The following POLE variants were observed in gnomAD, a reference collection of about 807,000 sequenced individuals.
The protein encoded by POLE is DNA polymerase epsilon catalytic subunit A.
In POLE, 188 loss-of-function variants were observed where a neutral mutation model predicts 279.2. The observed-to-expected ratio is 0.67, with a 90% CI of 0.60 to 0.76. The LOEUF (loss-of-function observed/expected upper bound fraction) is 0.76, where lower values mean the gene tolerates loss of function less well. Among genes scored for constraint, POLE ranks in the 30% least tolerant of loss-of-function variants. The pLI, the probability that POLE is intolerant of heterozygous loss-of-function variation, is 0.00. For synonymous variants in POLE, 1,214 were observed against 1,172.5 expected (o/e 1.04, Z -0.72); for missense variants, 2,703 against 3,016.7 (o/e 0.90, Z 2.44).
intron 12 of POLE, 133 bp from the exon 13 acceptor site, chr12:132,673,840 G>T: frequency 2.1e-6 from 2 of 947,610 alleles, no homozygotes; most frequent in Non-Finnish European, 3.3e-6. Flanking sequence ...TCACACCAAG[G>T]CCCCACATGG....
intron 41 of POLE, among the ~76,000 whole-genome samples, chr12:132,637,562 T>C (rs2042058043): frequency 6.6e-6 from 1 of 151,756 alleles, no homozygotes; most frequent in Admixed American, 6.5e-5. Flanking sequence ...AGGCAGGAAG[T>C]CAAAACCACA....
intron 20 of POLE, 63 bp downstream of exon 20, chr12:132,667,440 A>G: frequency 3.2e-6 from 5 of 1,563,744 alleles, no homozygotes; most frequent in Non-Finnish European, 4.4e-6. Flanking sequence ...AAGAGTGCCC[A>G]CTTCATGAGC....
chr12:132,655,712 T>C (rs959004198), intron 29 of POLE, among the ~76,000 whole-genome samples: 19 of 152,360 alleles, frequency 1.2e-4, no homozygotes, highest in Admixed American at 5.2e-4. Context: ...GTAACAATAG[T>C]CCTTATGTTT....
chr12:132,642,359 A>G lies in POLE; in HGVS notation c.4991T>C (p.Ile1664Thr), dbSNP rs1593730003. Residue 1664 changes from isoleucine to threonine, a missense_variant, in exon 38 of 49, where the codon ATC (isoleucine) becomes ACC (threonine). Ile to Thr is a moderately conservative substitution (Grantham distance 89). Coordinates refer to ENST00000320574, the MANE Select transcript of POLE (RefSeq NM_006231.4). ...GAAGAGGTCGGAGCCGAATGTGGAG[A>G]TGTCCTCTGGTAGGTTCCCAATGGG... ...HIPIGNLPED[I>T]STFGSDLFFA... The G allele has an allele frequency of 6.3e-7, 1 of 1,586,382 alleles. No individual in the cohort carries two copies. Among genetic ancestry groups the G allele is most frequent in the African/African-American group, 1.3e-5 (1 of 74,492 alleles).
chr12:132,633,981 G>T, intron 43 of POLE: 1 of 505,912 alleles, frequency 2.0e-6, no homozygotes, highest in Non-Finnish European at 3.5e-6. Context: ...AGGGAAGACA[G>T]TCACCCCTCT....
rs2135973737 is a variant in POLE at position 132,668,278 on chromosome 12, A to G, written c.2173+78T>C. ...ACCTCTGGGGCCCCAGCTGGGATGG[A>G]CCAACGCAGCCCAGTAAGAACAGAA... On this transcript the variant is annotated intron_variant, in intron 19 of 48. Coordinates refer to ENST00000320574, the MANE Select transcript of POLE (RefSeq NM_006231.4). This position sits in a 1 kb window ranked among gnomAD's most constrained non-coding sequence, Gnocchi z 4.0. 6.8e-7 allele frequency: 1 copy of G among 1,477,742 alleles called. No individual in the cohort carries two copies. The highest frequency in any genetic ancestry group is 9.0e-7 in the Non-Finnish European group (1 of 1,113,096). The allele number at this position is 1,477,742 out of a possible 1,614,324, so 91.5% of individuals were successfully genotyped here.
intron 45 of POLE, 137 bp downstream of exon 45, chr12:132,632,178 T>A: frequency 1.5e-6 from 1 of 680,072 alleles, no homozygotes; most frequent in Non-Finnish European, 2.6e-6. Context: ...CACAGGTATG[T>A]CGGTGTCCTT....
In POLE at chr12:132,673,217, C is replaced by A; in HGVS notation, c.1420G>T (p.Val474Phe). Residue 474 changes from valine to phenylalanine, a missense_variant, in exon 14 of 49, where the codon GTC becomes TTC. By Grantham distance (50) the Val-to-Phe change is conservative. Transcript: ENST00000320574. ...VATYYLYMKY[V>F]HPFIFALCTI... ...CACAGAGCAAAGATGAATGGGTGGA[C>A]GTACTTCATGTACAGGTAGTAAGTG... 6.2e-7 allele frequency: 1 copy of A among 1,613,840 alleles called. No individual in the cohort carries two copies. Among genetic ancestry groups the A allele is most frequent in the Non-Finnish European group, 8.5e-7 (1 of 1,179,718 alleles).
intron 12 of POLE, among the ~76,000 whole-genome samples, chr12:132,674,480 T>C (rs1400652035): frequency 5.9e-5 from 9 of 152,174 alleles, no homozygotes; most frequent in African/African-American, 1.7e-4. Flanking sequence ...CAGGCTAGCA[T>C]ATCGGTAGCA....
At chr12:132,631,137 A>G (rs1467812831) in intron 45 of POLE, among the ~76,000 whole-genome samples, 1 of 152,238 alleles carries the variant, frequency 6.6e-6, no homozygotes, top group Non-Finnish European at 1.5e-5. Context: ...GGGAGTTCTG[A>G]TACACACGAG....
chr12:132,645,800 CCA>C (rs10553413), intron 32 of POLE, among the ~76,000 whole-genome samples: 76,560 of 149,748 alleles, frequency 0.51, 20,015 homozygotes, highest in East Asian at 0.7. Flanking sequence ...ACACACACAC[CCA>C]CACACACACA....
In POLE at chr12:132,661,391, G is replaced by A. The variant is rs561173142; in HGVS notation, c.2864+136C>T. 127 of 1,064,112 alleles carry A rather than the reference G, an allele frequency of 1.2e-4. 1 individual carries two copies. The highest frequency in any genetic ancestry group is 5.4e-4 in the South Asian group (35 of 64,816). The allele number at this position is 1,064,112 out of a possible 1,614,324, so 65.9% of individuals were successfully genotyped here. ...CAGCAGGCGGGCAGACAGAGCTGGT[G>A]CAAACGGAATCAGTAAGATCACAAG... On this transcript the variant is annotated intron_variant, in intron 24 of 48. Transcript: ENST00000320574. The surrounding 1 kb of genome is among the most constrained non-coding windows in gnomAD (Gnocchi z 4.1).
chr12:132,673,988 C>T (rs1365827994), intron 12 of POLE, among the ~76,000 whole-genome samples: 3 of 152,074 alleles, frequency 2.0e-5, no homozygotes, highest in African/African-American at 4.8e-5. Flanking sequence ...GCCTCTCCGA[C>T]GGGCGCCCCA....
At chr12:132,687,215 G>A in intron 1 of POLE, 39 bp downstream of exon 1, 3 of 1,383,844 alleles carry the variant, frequency 2.2e-6, no homozygotes, top group Non-Finnish European at 1.9e-6. Flanking sequence ...GGCACCCTCC[G>A]GAGGGCCGGC....
chr12:132,667,004 A>T (rs1425827092), intron 20 of POLE, among the ~76,000 whole-genome samples: 1 of 152,114 alleles, frequency 6.6e-6, no homozygotes, highest in Non-Finnish European at 1.5e-5. Flanking sequence ...GCTCAATCTG[A>T]TCAGATATAA....
At position 132,624,429 on chromosome 12, in the gene POLE, C is replaced by T. The variant is rs1443160047; in HGVS notation, c.*268G>A. The stretch of plus-strand genomic sequence containing the variant: ...GGAAAAGCATTCACTGCGTGAGAAA[C>T]GGCGCCCAGGGCACTCGCAGCCTCG... On this transcript the variant is annotated 3_prime_UTR_variant, in exon 49 of 49. Transcript: ENST00000320574. The T allele has an allele frequency of 1.3e-5, 7 of 541,876 alleles. No homozygotes were observed. Among genetic ancestry groups the T allele is most frequent in the East Asian group, 3.1e-5 (1 of 32,308 alleles). The allele number at this position is 541,876 out of a possible 1,614,324, so 33.6% of individuals were successfully genotyped here.
At chr12:132,628,341 A>G (rs1322204092) in intron 45 of POLE, among the ~76,000 whole-genome samples, 1 of 149,132 alleles carries the variant, frequency 6.7e-6, no homozygotes, top group Non-Finnish European at 1.5e-5. Context: ...CTCCATCTTA[A>G]AAAAAAAACT....
In POLE at chr12:132,658,891, A is replaced by AG. The variant is rs1481955174; in HGVS notation, c.3275+403_3275+404insC. On this transcript the variant is annotated intron_variant, in intron 26 of 48. Coordinates refer to ENST00000320574, the MANE Select transcript of POLE (RefSeq NM_006231.4). ...TTTGTATATAACCACCAAAAAAAAA[A>AG]AAAAAAAAAAAAAAAAAGAGCAGTT... 2.1e-4 allele frequency among the ~76,000 whole-genome samples: 31 copies of AG among 148,652 alleles called. No homozygotes were observed. The East Asian group carries it at 5.6e-3, about 27-fold the overall frequency.
chr12:132,672,364 C>T lies in POLE; in HGVS notation c.1687-42G>A, dbSNP rs371116259. On this transcript the variant is annotated intron_variant, in intron 15 of 48. Coordinates refer to ENST00000320574, the MANE Select transcript of POLE (RefSeq NM_006231.4). ...ACGACGGGGTCAGAGGGGAAACACA[C>T]CCACACTAGCCTGCCTCAGGTTTGA... 4.8e-6 allele frequency: 7 copies of T among 1,471,512 alleles called. No individual in the cohort carries two copies. The African/African-American group carries it at 9.7e-5, about 20-fold the overall frequency. 91.2% of individuals were successfully genotyped at this position (1,471,512 alleles called of 1,614,324 possible).
Sources: gnomAD v4.1 joint callset for allele counts (sites outside exome capture counted in the v4.1 genomes callset) on GRCh38, gnomAD v4.1.1 for gene constraint, Gnocchi (gnomAD v3.1) non-coding constraint, MANE v1.5 for transcripts, NCBI Gene and HGNC (gene_info 2026-07-23, HGNC 2026-07-21) for gene names.